The following DPP10 variants were observed in gnomAD, a reference collection of about 807,000 sequenced individuals.
DPP10 encodes the protein dipeptidyl peptidase like 10.
A neutral mutation model predicts 120.9 loss-of-function variants in DPP10; 33 were observed. The ratio of observed to expected loss-of-function variants is 0.27; its 90% confidence interval spans 0.21 to 0.37. The LOEUF (loss-of-function observed/expected upper bound fraction) is 0.37, where lower values mean the gene tolerates loss of function less well. Ranked by LOEUF, DPP10 falls within the 10% of genes least tolerant of loss-of-function variation. The pLI is 1.00. For missense variants in DPP10, 816 were observed against 942.8 expected (o/e 0.87, Z 1.76); for synonymous variants, 337 against 326.1 (o/e 1.03, Z -0.36).
chr2:115,723,622 GTT>G (rs11399436), intron 7 of DPP10, among the ~76,000 whole-genome samples: 5 of 142,944 alleles, frequency 3.5e-5, no homozygotes, highest in African/African-American at 1.3e-4. Context: ...GTTGTTTTTT[GTT>G]TTTTTTTTTT....
intron 4 of DPP10, among the ~76,000 whole-genome samples, chr2:115,511,738 T>A (rs1270904521): frequency 2.7e-5 from 4 of 148,752 alleles, no homozygotes; most frequent in East Asian, 2.0e-4. Context: ...CTTCTTTTTT[T>A]TTTTTTTGAC....
intron 5 of DPP10, among the ~76,000 whole-genome samples, chr2:115,631,349 T>G (rs6760342): frequency 0.62 from 93,424 of 151,774 alleles, 29,609 homozygotes; most frequent in Middle Eastern, 0.76. Context: ...TTTTATTAAT[T>G]TTTTCAAAAA....
chr2:115,746,195 C>T lies in DPP10; in HGVS notation c.950+12C>T, dbSNP rs773121625. On this transcript the variant is annotated intron_variant, in intron 10 of 25. Coordinates refer to ENST00000410059, the MANE Select transcript of DPP10 (RefSeq NM_020868.6). ...AGCTTTAAATCAAGGTATGCAATTT[C>T]AATTTCACTTTTATGGGGAAATAGA... 6.3e-7 allele frequency: 1 copy of T among 1,596,586 alleles called. No homozygotes were observed. The highest frequency in any genetic ancestry group is 8.6e-7 in the Non-Finnish European group (1 of 1,166,488).
intron 8 of DPP10, among the ~76,000 whole-genome samples, chr2:115,728,272 C>G (rs1481708198): frequency 7.7e-6 from 1 of 129,952 alleles, no homozygotes; most frequent in Non-Finnish European, 1.6e-5. Flanking sequence ...AAAGAAGAAA[C>G]AGAAACCTTT....
intron 1 of DPP10, chr2:114,828,293 TAAG>T (rs1443953374): frequency 1.3e-5 from 2 of 152,182 alleles, no homozygotes; most frequent in Admixed American, 6.5e-5. Flanking sequence ...AACTTTAATG[TAAG>T]AAGAACATAA....
chr2:115,537,507 A>G (rs1401555045), intron 5 of DPP10, among the ~76,000 whole-genome samples: 1 of 151,234 alleles, frequency 6.6e-6, no homozygotes, highest in Non-Finnish European at 1.5e-5. Context: ...ATTATAATTT[A>G]TCAAATGGAA....
chr2:115,178,390 A>G (rs750569062), intron 1 of DPP10, among the ~76,000 whole-genome samples: 8 of 152,120 alleles, frequency 5.3e-5, no homozygotes, highest in Non-Finnish European at 8.8e-5. Flanking sequence ...CCTTCTCTGA[A>G]CCACAGTTTC....
At chr2:115,086,180 A>T (rs1422545876) in intron 1 of DPP10, among the ~76,000 whole-genome samples, 1 of 152,210 alleles carries the variant, frequency 6.6e-6, no homozygotes, top group Admixed American at 6.5e-5. Context: ...GAGATTAACT[A>T]AAAGTCTAGC....
At chr2:115,798,210 T>C (rs1485961005) in intron 19 of DPP10, among the ~76,000 whole-genome samples, 1 of 152,016 alleles carries the variant, frequency 6.6e-6, no homozygotes, top group African/African-American at 2.4e-5. Flanking sequence ...TTCTTAGTTT[T>C]AGATGGTCAT....
chr2:115,761,248 T>TA (rs1680082112), intron 11 of DPP10, among the ~76,000 whole-genome samples: 1 of 152,028 alleles, frequency 6.6e-6, no homozygotes, highest in African/African-American at 2.4e-5. Context: ...TATTTTTACA[T>TA]AAAAAATTAA....
rs761086836 is a variant in DPP10, at chr2:115,836,243, C to T, written c.2037C>T (p.Asp679=). 3.1e-6 allele frequency: 5 copies of T among 1,606,000 alleles called. No individual in the cohort carries two copies. Among genetic ancestry groups the T allele is most frequent in the Non-Finnish European group, 4.2e-6 (5 of 1,177,546 alleles). ...GATCCGTGGTTGCACCTATCACAGA[C>T]TTGAAATTGTATGGTGAGTACTTTC... The part of the protein sequence containing the change: ...KCGSVVAPIT[D]LKLYASAFSE... Residue 679 remains aspartate, a synonymous_variant, in exon 22 of 26, where the codon GAC becomes GAT. Transcript: ENST00000410059.
intron 5 of DPP10, among the ~76,000 whole-genome samples, chr2:115,625,340 T>C (rs945665413): frequency 2.0e-5 from 3 of 152,160 alleles, no homozygotes; most frequent in Non-Finnish European, 4.4e-5. Flanking sequence ...ATAAGAGTTA[T>C]AGTGTGCTAA....
intron 1 of DPP10, among the ~76,000 whole-genome samples, chr2:115,042,254 T>C (rs1204368045): frequency 6.6e-6 from 1 of 152,060 alleles, no homozygotes; most frequent in Non-Finnish European, 1.5e-5. Context: ...CATAAATATC[T>C]AGTGTCATTG....
chr2:115,405,460 C>T (rs1396384953), intron 3 of DPP10, among the ~76,000 whole-genome samples: 1 of 152,126 alleles, frequency 6.6e-6, no homozygotes, highest in Non-Finnish European at 1.5e-5. Context: ...CTGCAGATTT[C>T]CTAGGCTGGT....
rs869121143 is a variant in DPP10, at chr2:114,942,320, T to TATACATATATATATATATATATATAC, written c.61-366918_61-366917insTACATATATATATATATATATATACA. On this transcript the variant is annotated intron_variant, in intron 1 of 25. Coordinates refer to ENST00000410059, the MANE Select transcript of DPP10 (RefSeq NM_020868.6). ...ATACATATATATATATATATATATA[T>TATACATATATATATATATATATATAC]ACACACACATATATATATACGTATA... is the stretch of plus-strand genomic sequence containing the variant. Among the ~76,000 whole-genome samples, 21 of 123,968 alleles carry TATACATATATATATATATATATATAC rather than the reference T, an allele frequency of 1.7e-4. No homozygotes were observed. In the East Asian group the frequency reaches 2.7e-3, roughly 16 times the overall value. 81.3% of individuals were successfully genotyped at this position (123,968 alleles called of 152,430 possible).
At chr2:115,772,173 C>A (rs1681555013) in intron 13 of DPP10, among the ~76,000 whole-genome samples, 1 of 152,044 alleles carries the variant, frequency 6.6e-6, no homozygotes, top group South Asian at 2.1e-4. Context: ...TTTAAATGCA[C>A]ACTTTTCCCA....
At chr2:114,837,447 A>G (rs542539070) in intron 1 of DPP10, among the ~76,000 whole-genome samples, 35 of 152,268 alleles carry the variant, frequency 2.3e-4, no homozygotes, top group African/African-American at 7.7e-4. Context: ...AACAGTTAGC[A>G]GTGTCATGGA....
chr2:114,867,726 A>G (rs918483669), intron 1 of DPP10, among the ~76,000 whole-genome samples: 2 of 152,228 alleles, frequency 1.3e-5, no homozygotes, highest in Non-Finnish European at 2.9e-5. Context: ...CATGGAAGGA[A>G]GTGAGGATCT....
At chr2:115,436,309 T>C (rs2071485659) in intron 3 of DPP10, among the ~76,000 whole-genome samples, 1 of 151,824 alleles carries the variant, frequency 6.6e-6, no homozygotes, top group Admixed American at 6.6e-5. Context: ...AAAATTTGGT[T>C]TAATTTGTCT....
Sources: gnomAD v4.1 joint callset for allele counts (sites outside exome capture counted in the v4.1 genomes callset) on GRCh38, gnomAD v4.1.1 for gene constraint, MANE v1.5 for transcripts, NCBI Gene and HGNC (gene_info 2026-07-23, HGNC 2026-07-21) for gene names.